The following C1QTNF7 variants were observed in gnomAD, a reference collection of about 807,000 sequenced individuals.
C1QTNF7 encodes the protein C1q and TNF related 7, also known as complement C1q tumor necrosis factor-related protein 7.
Under a neutral mutation model 19.6 loss-of-function variants are expected in C1QTNF7, and 15 were observed. The observed-to-expected ratio is 0.76, with a 90% confidence interval of 0.51 to 1.18. The LOEUF (loss-of-function observed/expected upper bound fraction) is 1.18. Ranked by LOEUF, C1QTNF7 falls within the 50% of genes most tolerant of loss-of-function variation. The pLI is 0.00. For synonymous variants in C1QTNF7, 142 were observed against 137.5 expected, an observed-to-expected ratio of 1.03 and a Z score of -0.23; for missense variants, 324 against 359.7, an observed-to-expected ratio of 0.90 and a Z score of 0.80.
At chr4:15,346,893 C>G (rs1194495421) in intron 1 of C1QTNF7, among the ~76,000 whole-genome samples, 1 of 152,204 alleles carries the variant, frequency 6.6e-6, no homozygotes, top group Non-Finnish European at 1.5e-5. Flanking sequence ...TACCAACACG[C>G]AGTGAACTCT....
intron 1 of C1QTNF7, chr4:15,358,304 G>A (rs1428828875): frequency 6.6e-6 from 1 of 152,110 alleles, no homozygotes; most frequent in African/African-American, 2.4e-5. Flanking sequence ...TTTTATCGAA[G>A]GCCTTTTCTG....
rs143578572 is a variant in C1QTNF7, at chr4:15,348,226, T to C, written c.13+8019T>C. On this transcript the variant is annotated intron_variant, in intron 1 of 2. Coordinates refer to the C1QTNF7 transcript ENST00000295297. ...GCAAAAGGAATAAAAACACACTAAG[T>C]ACTTAGTGAATGGAGTTGCATGTGG... is the stretch of plus-strand genomic sequence containing the variant. 7.8e-4 allele frequency among the ~76,000 whole-genome samples: 119 copies of C among 152,224 alleles called. 1 individual carries two copies. Among genetic ancestry groups the C allele is most frequent in the African/African-American group, 2.8e-3 (118 of 41,554 alleles).
chr4:15,366,357 C>A (rs547620839), intron 1 of C1QTNF7, among the ~76,000 whole-genome samples: 3 of 152,252 alleles, frequency 2.0e-5, no homozygotes, highest in African/African-American at 7.2e-5. Context: ...TAAGTGTAAA[C>A]CTTAGCTACA....
At chr4:15,398,953 G>A (rs984633264) in intron 1 of C1QTNF7, among the ~76,000 whole-genome samples, 3 of 152,160 alleles carry the variant, frequency 2.0e-5, no homozygotes, top group African/African-American at 7.2e-5. Context: ...CCCTTGGGAT[G>A]GGCTGTCCGT....
chr4:15,359,359 T>G (rs1717257780), intron 1 of C1QTNF7, among the ~76,000 whole-genome samples: 1 of 152,130 alleles, frequency 6.6e-6, no homozygotes, highest in Non-Finnish European at 1.5e-5. Context: ...GCCCATAAAT[T>G]ATGTTGTTGG....
rs1269203861 is a variant in C1QTNF7, at chr4:15,442,547, G to A, written c.618G>A (p.Leu206=). ...SYDITLANKH[L]AIGLVHNGQY... is the part of the protein sequence containing the mutation. Reference sequence around the variant, plus strand: ...ATATCACATTGGCTAATAAGCATCTGGCAATCGGACTGGTACACAATGGGC... The same window carrying A: ...ATATCACATTGGCTAATAAGCATCTAGCAATCGGACTGGTACACAATGGGC... Residue 206 remains leucine (L), a synonymous_variant, in exon 3 of 3, where the codon CTG becomes CTA. Coordinates refer to ENST00000444304, the MANE Select transcript of C1QTNF7 (RefSeq NM_031911.5). 6.2e-7 allele frequency: 1 copy of A among 1,614,166 alleles called. No homozygotes were observed. Among genetic ancestry groups the A allele is most frequent in the Non-Finnish European group, 8.5e-7 (1 of 1,180,040 alleles).
rs532640168 is a variant in C1QTNF7 at position 15,353,305 on chromosome 4, C to A, written c.13+13098C>A. 9.2e-5 allele frequency among the ~76,000 whole-genome samples: 14 copies of A among 152,232 alleles called. No individual in the cohort carries two copies. In the South Asian group the frequency reaches 2.9e-3, roughly 32 times the overall value. On this transcript the variant is annotated intron_variant, in intron 1 of 2. Coordinates refer to the C1QTNF7 transcript ENST00000295297. Reference sequence around the variant, plus strand: ...TTCATTCCAGGACAAGTTTTAGATTCTTTAAGATCACGTTGGGTAAGACCA... The same window carrying A: ...TTCATTCCAGGACAAGTTTTAGATTATTTAAGATCACGTTGGGTAAGACCA...
intron 1 of C1QTNF7, among the ~76,000 whole-genome samples, chr4:15,375,411 A>T (rs1398990685): frequency 6.6e-6 from 1 of 152,212 alleles, no homozygotes; most frequent in Non-Finnish European, 1.5e-5. Flanking sequence ...AAGCAGAAAT[A>T]TCTAAATTGT....
At position 15,445,599 on chromosome 4, in the gene C1QTNF7, A is replaced by C. The variant is rs1470642751; in HGVS notation, c.*2800A>C. ...TGGGGATTAGAGAACTGACATGAGAAAAGAGGAGCTGTTTTGGTATTAAAC... is the reference window on the plus strand; with the variant it reads ...TGGGGATTAGAGAACTGACATGAGACAAGAGGAGCTGTTTTGGTATTAAAC... On this transcript the variant is annotated 3_prime_UTR_variant, in exon 3 of 3. Transcript: ENST00000444304. The C allele has an allele frequency of 6.6e-6, 1 of 152,224 alleles. No individual in the cohort carries two copies. The highest frequency in any genetic ancestry group is 1.9e-4 in the East Asian group (1 of 5,206). The allele number at this position is 152,224 out of a possible 1,614,324, so 9.4% of individuals were successfully genotyped here. A position where few individuals can be genotyped will look rare whatever the true frequency, so the allele number is the denominator to read the frequency against.
At chr4:15,409,485 A>G (rs1405334864) in intron 1 of C1QTNF7, among the ~76,000 whole-genome samples, 1 of 152,264 alleles carries the variant, frequency 6.6e-6, no homozygotes, top group Non-Finnish European at 1.5e-5. Context: ...TGAATGTGGA[A>G]GAAAGACTTA....
At chr4:15,436,751 T>A (rs1020780764) in intron 2 of C1QTNF7, among the ~76,000 whole-genome samples, 4 of 152,188 alleles carry the variant, frequency 2.6e-5, no homozygotes, top group African/African-American at 9.7e-5. Context: ...AGACAGGCTG[T>A]GTTAACTCTA....
At chr4:15,412,206 T>A (rs764290564) in intron 1 of C1QTNF7, among the ~76,000 whole-genome samples, 2 of 152,156 alleles carry the variant, frequency 1.3e-5, no homozygotes, top group African/African-American at 4.8e-5. Flanking sequence ...TCCCACTGAT[T>A]CTACCTTATC....
intron 1 of C1QTNF7, among the ~76,000 whole-genome samples, chr4:15,430,055 C>T (rs1712235884): frequency 6.6e-6 from 1 of 152,150 alleles, no homozygotes; most frequent in Non-Finnish European, 1.5e-5. Flanking sequence ...TTTTCCATGG[C>T]TAGTTTAGCG....
intron 1 of C1QTNF7, among the ~76,000 whole-genome samples, chr4:15,344,126 A>G (rs1716637243): frequency 6.6e-6 from 1 of 152,248 alleles, no homozygotes. Flanking sequence ...CGTGGAAAGT[A>G]GCAGGAAGGC....
intron 2 of C1QTNF7, among the ~76,000 whole-genome samples, chr4:15,436,637 C>G (rs1177556515): frequency 6.6e-6 from 1 of 152,202 alleles, no homozygotes; most frequent in East Asian, 1.9e-4. Flanking sequence ...CACAATTGCC[C>G]ACTAGTCCTT....
At chr4:15,417,687 T>G (rs1428282073) in intron 1 of C1QTNF7, among the ~76,000 whole-genome samples, 1 of 151,938 alleles carries the variant, frequency 6.6e-6, no homozygotes, top group Non-Finnish European at 1.5e-5. Flanking sequence ...AGCCCAAGAG[T>G]TGAAGGCTGC....
upstream of C1QTNF7, among the ~76,000 whole-genome samples, chr4:15,423,324 A>AG (rs1404313726): frequency 6.7e-6 from 1 of 150,288 alleles, no homozygotes; most frequent in Non-Finnish European, 1.5e-5. Flanking sequence ...TTCGCTTTCA[A>AG]GCTGTATGTT....
At chr4:15,396,612 GA>G (rs1217698996) in intron 1 of C1QTNF7, among the ~76,000 whole-genome samples, 1 of 152,074 alleles carries the variant, frequency 6.6e-6, no homozygotes, top group African/African-American at 2.4e-5. Flanking sequence ...AGTAGGGACA[GA>G]AAAAGGATAA....
chr4:15,370,310 A>AG (rs994654648), intron 1 of C1QTNF7, among the ~76,000 whole-genome samples: 7 of 152,254 alleles, frequency 4.6e-5, no homozygotes, highest in Non-Finnish European at 1.0e-4. Context: ...GGGAAGCCAT[A>AG]GGAAAGTGTG....
Sources: gnomAD v4.1 joint callset for allele counts (sites outside exome capture counted in the v4.1 genomes callset) on GRCh38, gnomAD v4.1.1 for gene constraint, MANE v1.5 for transcripts, NCBI Gene and HGNC (gene_info 2026-07-23, HGNC 2026-07-21) for gene names.